TRPC5: variants seen among roughly 807,000 people sequenced by gnomAD.
TRPC5 encodes the protein transient receptor potential cation channel subfamily C member 5, also known as short transient receptor potential channel 5.
Under a neutral mutation model 56.5 loss-of-function variants are expected in TRPC5, and 9 were observed. The observed-to-expected ratio is 0.16, with a 90% CI of 0.10 to 0.28. The LOEUF (loss-of-function observed/expected upper bound fraction) is 0.28, where lower values mean the gene tolerates loss of function less well. Among genes scored for constraint, TRPC5 ranks in the 10% least tolerant of loss-of-function variants. TRPC5 has a pLI of 1.00. For synonymous variants in TRPC5, 282 were observed against 278.5 expected, an observed-to-expected ratio of 1.01 and a Z score of -0.13; for missense variants, 469 against 748.9, an observed-to-expected ratio of 0.63 and a Z score of 4.36.
chrX:111,901,816 G>A, intron 3 of TRPC5: 4 of 1,024,468 alleles, frequency 3.9e-6, no homozygotes, highest in South Asian at 2.5e-5. Flanking sequence ...AGAGCTTTTA[G>A]TGATATTTTA....
chrX:112,005,463 T>TAAAA (rs745973541), intron 1 of TRPC5, among the ~76,000 whole-genome samples: 4 of 66,395 alleles, frequency 6.0e-5, no homozygotes, highest in Non-Finnish European at 9.0e-5. Flanking sequence ...AACCTAAAAG[T>TAAAA]AAAAAAAAAA....
chrX:111,843,389 T>G (rs1188550613), intron 6 of TRPC5, among the ~76,000 whole-genome samples: 1 of 111,931 alleles, frequency 8.9e-6, no homozygotes, highest in Non-Finnish European at 1.9e-5. Flanking sequence ...AGAAGAAGCC[T>G]GCAGCTGAGA....
intron 1 of TRPC5, among the ~76,000 whole-genome samples, chrX:111,960,370 G>T (rs1484785962): frequency 8.9e-6 from 1 of 112,256 alleles, no homozygotes; most frequent in Non-Finnish European, 1.9e-5. Flanking sequence ...TCCAGGGGAG[G>T]TTTGTATAAC....
At chrX:112,068,980 C>T (rs1031843530) in intron 1 of TRPC5, among the ~76,000 whole-genome samples, 2 of 111,489 alleles carry the variant, frequency 1.8e-5, no homozygotes, top group African/African-American at 6.5e-5. Flanking sequence ...TGTGACTTGC[C>T]CAAGGTCTTA....
intron 1 of TRPC5, among the ~76,000 whole-genome samples, chrX:111,991,660 A>G (rs1298266310): frequency 1.8e-5 from 2 of 112,292 alleles, no homozygotes; most frequent in Admixed American, 9.5e-5. Flanking sequence ...TTTTCTAAAA[A>G]CCTGGCAGCA....
intron 3 of TRPC5, among the ~76,000 whole-genome samples, chrX:111,899,433 A>G (rs1877106889): frequency 9.0e-6 from 1 of 111,692 alleles, no homozygotes; most frequent in African/African-American, 3.3e-5. Context: ...AGACAAGAAA[A>G]GATGATGGAA....
chrX:112,022,589 C>T lies in TRPC5; in HGVS notation c.-22+59290G>A, dbSNP rs149443776. On this transcript the variant is annotated intron_variant, in intron 1 of 10. Coordinates refer to ENST00000262839, the MANE Select transcript of TRPC5 (RefSeq NM_012471.3). ...CATCATAACTAAAACCTGTACATTG[C>T]TTTGTAGTGTAATTGTCATGGAGTG... Among the ~76,000 whole-genome samples the T allele has an allele frequency of 8.1e-3, 906 of 112,099 alleles. 5 individuals are homozygous for T. Among genetic ancestry groups the T allele is most frequent in the African/African-American group, 0.028 (850 of 30,854 alleles).
At chrX:112,025,313 T>C (rs1450952326) in intron 1 of TRPC5, among the ~76,000 whole-genome samples, 1 of 112,239 alleles carries the variant, frequency 8.9e-6, no homozygotes, top group African/African-American at 3.2e-5. Context: ...ATTAGCCAGT[T>C]ATGCCAATTA....
intron 3 of TRPC5, among the ~76,000 whole-genome samples, chrX:111,907,106 T>C (rs1347003836): frequency 9.9e-6 from 1 of 100,951 alleles, no homozygotes; most frequent in Non-Finnish European, 2.0e-5. Context: ...GGTATGAAGG[T>C]CATTTGAAAA....
intron 7 of TRPC5, among the ~76,000 whole-genome samples, chrX:111,797,873 T>C (rs775195918): frequency 9.0e-6 from 1 of 111,657 alleles, no homozygotes; most frequent in African/African-American, 3.2e-5. Context: ...TTCTTTAAAA[T>C]TTACATTTCA....
intron 1 of TRPC5, among the ~76,000 whole-genome samples, chrX:112,065,094 C>A (rs538031652): frequency 0.023 from 2,369 of 102,652 alleles, 76 homozygotes; most frequent in African/African-American, 0.077. Context: ...AAAAAAAAAA[C>A]AAAAAGGTTA....
intron 1 of TRPC5, among the ~76,000 whole-genome samples, chrX:111,999,314 C>T (rs976887195): frequency 2.7e-5 from 3 of 111,873 alleles, no homozygotes; most frequent in East Asian, 2.8e-4. Context: ...TTACTCACTA[C>T]CTCCATGAGA....
intron 7 of TRPC5, among the ~76,000 whole-genome samples, chrX:111,816,805 G>A (rs1373204225): frequency 8.9e-6 from 1 of 111,855 alleles, no homozygotes; most frequent in Non-Finnish European, 1.9e-5. Flanking sequence ...TGTTATGGAA[G>A]GAAGGTGGGG....
intron 1 of TRPC5, among the ~76,000 whole-genome samples, chrX:112,070,162 G>C (rs1930682856): frequency 8.9e-6 from 1 of 112,041 alleles, no homozygotes; most frequent in African/African-American, 3.2e-5. Context: ...AGAGGCAGTG[G>C]TTCCAATGAC....
intron 1 of TRPC5, among the ~76,000 whole-genome samples, chrX:112,067,769 A>T (rs767625257): frequency 1.8e-5 from 2 of 112,208 alleles, no homozygotes; most frequent in Admixed American, 1.9e-4. Flanking sequence ...GAAGCATGGC[A>T]GGTGCATTAA....
rs150330230 is a variant in TRPC5 at position 111,788,669 on chromosome X, C to G, written c.1897-6531G>C. On this transcript the variant is annotated intron_variant, in intron 7 of 10. Transcript: ENST00000262839. Reference sequence around the variant, plus strand: ...TGACTGTATATTTAGAAAACCCCGTCACCTCAGCCCAAAATCTCCTTAAGC... The same window carrying G: ...TGACTGTATATTTAGAAAACCCCGTGACCTCAGCCCAAAATCTCCTTAAGC... 4.8e-3 allele frequency among the ~76,000 whole-genome samples: 541 copies of G among 111,869 alleles called. 4 individuals are homozygous for G. Among genetic ancestry groups the G allele is most frequent in the Non-Finnish European group, 6.1e-3 (327 of 53,202 alleles).
chrX:112,005,121 C>T (rs1478799342), intron 1 of TRPC5, among the ~76,000 whole-genome samples: 1 of 108,785 alleles, frequency 9.2e-6, no homozygotes, highest in Non-Finnish European at 1.9e-5. Flanking sequence ...GGTACGTACC[C>T]AGCAGTCATA....
chrX:111,858,058 A>T (rs1384426911), intron 3 of TRPC5, among the ~76,000 whole-genome samples: 7 of 112,306 alleles, frequency 6.2e-5, no homozygotes, highest in Non-Finnish European at 3.8e-5. Context: ...TATCTGACAG[A>T]AGTAGTGTAG....
intron 2 of TRPC5, among the ~76,000 whole-genome samples, chrX:111,949,186 C>G (rs1927009919): frequency 8.9e-6 from 1 of 112,053 alleles, no homozygotes; most frequent in South Asian, 3.7e-4. Context: ...CAAAAATCAA[C>G]TCAAGATGGA....
Sources: gnomAD v4.1 joint callset for allele counts (sites outside exome capture counted in the v4.1 genomes callset) on GRCh38, gnomAD v4.1.1 for gene constraint, MANE v1.5 for transcripts, NCBI Gene and HGNC (gene_info 2026-07-23, HGNC 2026-07-21) for gene names.